The following GRM8 variants were observed in gnomAD, a reference collection of about 807,000 sequenced individuals.
GRM8 encodes metabotropic glutamate receptor 8.
GRM8 carries 47 observed loss-of-function variants against 87.2 expected under a neutral mutation model. That is an observed-to-expected ratio of 0.54 (90% CI 0.43 to 0.69). The LOEUF is 0.69. Among genes scored for constraint, GRM8 ranks in the 30% least tolerant of loss-of-function variants. The probability of loss-of-function intolerance (pLI) is 0.00; values close to 1 mark genes in which losing one functional copy is unlikely to be tolerated. For missense variants in GRM8, 1,019 were observed against 1,139.2 expected (o/e 0.89, Z 1.52); for synonymous variants, 396 against 404.5 (o/e 0.98, Z 0.25).
chr7:126,627,432 C>A (rs1800814944), intron 7 of GRM8, among the ~76,000 whole-genome samples: 1 of 152,160 alleles, frequency 6.6e-6, no homozygotes, highest in Non-Finnish European at 1.5e-5. Context: ...TTTATTATAC[C>A]TAATAATTGA....
intron 7 of GRM8, among the ~76,000 whole-genome samples, chr7:126,621,968 T>C (rs1026333083): frequency 1.3e-5 from 2 of 152,200 alleles, no homozygotes; most frequent in African/African-American, 4.8e-5. Flanking sequence ...ACATGTTCTA[T>C]GATCTTTCTA....
intron 6 of GRM8, among the ~76,000 whole-genome samples, chr7:126,812,170 A>G (rs1390209482): frequency 6.6e-6 from 1 of 152,092 alleles, no homozygotes; most frequent in Non-Finnish European, 1.5e-5. Context: ...CAAATAAAAA[A>G]TACAGTAAAC....
chr7:126,717,897 T>C (rs1335911804), intron 7 of GRM8, among the ~76,000 whole-genome samples: 2 of 152,140 alleles, frequency 1.3e-5, no homozygotes, highest in African/African-American at 2.4e-5. Flanking sequence ...CATAAGTACA[T>C]AGTTAGATAG....
chr7:126,527,899 C>T (rs148186543), intron 9 of GRM8, among the ~76,000 whole-genome samples: 33 of 152,258 alleles, frequency 2.2e-4, no homozygotes, highest in Middle Eastern at 3.4e-3. Context: ...TTCGGGCAAG[C>T]CTCTATGTTT....
chr7:127,077,382 G>A (rs957000052), intron 3 of GRM8, among the ~76,000 whole-genome samples: 2 of 152,100 alleles, frequency 1.3e-5, no homozygotes, highest in African/African-American at 4.8e-5. Context: ...ACCTTAATTT[G>A]TTCTTCATGT....
Position 127,177,722 on chromosome 7 carries a change from C to T in GRM8, c.510+64973G>A, listed in dbSNP as rs144052654. ...ACCAGTCCAGAGCTGGGCAGTCTCACGGGGTGGCTAGACTCAGAAGAGAGA... is the reference window on the plus strand; with the variant it reads ...ACCAGTCCAGAGCTGGGCAGTCTCATGGGGTGGCTAGACTCAGAAGAGAGA... On this transcript the variant is annotated intron_variant, in intron 2 of 10. Coordinates refer to ENST00000339582, the MANE Select transcript of GRM8 (RefSeq NM_000845.3). 4.7e-3 allele frequency among the ~76,000 whole-genome samples: 715 copies of T among 152,286 alleles called. 6 individuals are homozygous for T. Among genetic ancestry groups the T allele is most frequent in the African/African-American group, 0.016 (667 of 41,562 alleles).
At chr7:126,579,393 C>T (rs1001917691) in intron 8 of GRM8, among the ~76,000 whole-genome samples, 2 of 152,060 alleles carry the variant, frequency 1.3e-5, no homozygotes, top group African/African-American at 4.8e-5. Context: ...TTCTTTTGAT[C>T]TTTAAAAACT....
intron 7 of GRM8, among the ~76,000 whole-genome samples, chr7:126,651,300 C>G (rs1803835180): frequency 6.6e-6 from 1 of 152,210 alleles, no homozygotes; most frequent in African/African-American, 2.4e-5. Context: ...CATCCTGAAG[C>G]AGCTGGATTG....
chr7:127,178,423 A>C (rs530155953), intron 2 of GRM8, among the ~76,000 whole-genome samples: 4 of 152,226 alleles, frequency 2.6e-5, no homozygotes, highest in African/African-American at 9.6e-5. Flanking sequence ...CTTGGAAAAC[A>C]TATTTGGGGG....
intron 3 of GRM8, among the ~76,000 whole-genome samples, chr7:127,098,633 G>T (rs998597937): frequency 1.7e-4 from 26 of 151,554 alleles, no homozygotes; most frequent in African/African-American, 6.3e-4. Flanking sequence ...CACAAAAAAT[G>T]AATTAATTAA....
intron 7 of GRM8, among the ~76,000 whole-genome samples, chr7:126,648,755 T>C (rs11767976): frequency 6.6e-6 from 1 of 151,910 alleles, no homozygotes; most frequent in East Asian, 1.9e-4. Flanking sequence ...ACAGAAAAAT[T>C]TACTATGATT....
At position 127,205,997 on chromosome 7, in the gene GRM8, T is replaced by C. The variant is rs368960095; in HGVS notation, c.510+36698A>G. Among the ~76,000 whole-genome samples, 161 of 152,312 alleles carry C rather than the reference T, an allele frequency of 1.1e-3. 1 individual carries two copies. Among genetic ancestry groups the C allele is most frequent in the Non-Finnish European group, 2.0e-3 (136 of 68,016 alleles). On this transcript the variant is annotated intron_variant, in intron 2 of 10. Coordinates refer to ENST00000339582, the MANE Select transcript of GRM8 (RefSeq NM_000845.3). ...GATGCTCAAAGAGCCACAGTCCACC[T>C]TGGACTCCGTTAGGAAGCCCTGCCA...
chr7:126,581,526 G>A (rs769886721), intron 8 of GRM8, among the ~76,000 whole-genome samples: 40 of 152,024 alleles, frequency 2.6e-4, no homozygotes, highest in South Asian at 2.1e-4. Flanking sequence ...GAATTGAGAC[G>A]TGATCACTAT....
intron 9 of GRM8, among the ~76,000 whole-genome samples, chr7:126,518,577 G>A (rs543164152): frequency 6.6e-4 from 100 of 152,036 alleles, no homozygotes; most frequent in Non-Finnish European, 1.1e-3. Context: ...AAAGTAATTC[G>A]GATTCTGGAT....
intron 3 of GRM8, chr7:127,057,948 C>T (rs1402520632): frequency 4.3e-6 from 1 of 230,854 alleles, no homozygotes; most frequent in Admixed American, 6.2e-5. Flanking sequence ...TTAAAAAGAG[C>T]CATAATTCAT....
At chr7:126,811,835 C>T (rs1592370) in intron 6 of GRM8, among the ~76,000 whole-genome samples, 70,592 of 151,430 alleles carry the variant, frequency 0.47, 16,946 homozygotes, top group African/African-American at 0.53. Context: ...CTTTTTTTTC[C>T]AGTTTGAATG....
rs145346813 is a variant in GRM8, at chr7:126,564,407, C to T, written c.1495-30520G>A. On this transcript the variant is annotated intron_variant, in intron 8 of 10. Coordinates refer to ENST00000339582, the MANE Select transcript of GRM8 (RefSeq NM_000845.3). The stretch of plus-strand genomic sequence containing the variant: ...TGAAGTCAAAGATATTTCCCCATTG[C>T]AACTGATGCCAATGAAATAAAATAA... 4.9e-4 allele frequency among the ~76,000 whole-genome samples: 75 copies of T among 152,098 alleles called. 2 individuals carry two copies. In the East Asian group the frequency reaches 0.013, roughly 26 times the overall value.
intron 3 of GRM8, among the ~76,000 whole-genome samples, chr7:127,016,935 A>G (rs1359350037): frequency 6.6e-6 from 1 of 152,042 alleles, no homozygotes; most frequent in Admixed American, 6.6e-5. Flanking sequence ...TTATTCATTC[A>G]ATATATTCAG....
chr7:126,591,092 GATA>G (rs1333857646), intron 8 of GRM8, among the ~76,000 whole-genome samples: 2 of 152,014 alleles, frequency 1.3e-5, no homozygotes, highest in African/African-American at 4.8e-5. Context: ...TGGCAGAATG[GATA>G]ATAATTCACC....
Sources: allele counts gnomAD v4.1 joint callset (sites outside exome capture counted in the v4.1 genomes callset), GRCh38; gene constraint gnomAD v4.1.1; transcripts MANE v1.5; gene names NCBI Gene and HGNC (gene_info 2026-07-23, HGNC 2026-07-21).